GALNT7: variants seen among roughly 807,000 people sequenced by gnomAD.
GALNT7 encodes polypeptide N-acetylgalactosaminyltransferase 7, also known as N-acetylgalactosaminyltransferase 7.
In GALNT7, 60 loss-of-function variants were observed where a neutral mutation model predicts 82.1. The observed-to-expected ratio is 0.73, with a 90% CI of 0.59 to 0.91. The LOEUF (loss-of-function observed/expected upper bound fraction) is 0.91, where lower values mean the gene tolerates loss of function less well. Among genes scored for constraint, GALNT7 ranks in the 40% least tolerant of loss-of-function variants. GALNT7 has a pLI of 0.00. For missense variants in GALNT7, 660 were observed against 804.2 expected, an observed-to-expected ratio of 0.82 and a Z score of 2.17; for synonymous variants, 243 against 275.1, an observed-to-expected ratio of 0.88 and a Z score of 1.15.
intron 8 of GALNT7, among the ~76,000 whole-genome samples, chr4:173,311,662 T>C (rs1038069114): frequency 6.6e-6 from 1 of 152,068 alleles, no homozygotes; most frequent in East Asian, 1.9e-4. Flanking sequence ...GGTGGACTGG[T>C]GGTAAATCAT....
chr4:173,229,463 C>G (rs1376387538), intron 1 of GALNT7, among the ~76,000 whole-genome samples: 2 of 152,074 alleles, frequency 1.3e-5, no homozygotes, highest in Non-Finnish European at 2.9e-5. Context: ...TAGAAGTTCC[C>G]TAGAAATTCT....
intron 9 of GALNT7, 50 bp downstream of exon 9, chr4:173,314,226 G>A (rs1449000034): frequency 1.7e-6 from 2 of 1,211,458 alleles, no homozygotes; most frequent in Non-Finnish European, 2.5e-6. Context: ...GAGTTTGGGA[G>A]AAGGCAGAGA....
At chr4:173,309,640 G>A (rs916287438) in intron 8 of GALNT7, among the ~76,000 whole-genome samples, 3 of 152,176 alleles carry the variant, frequency 2.0e-5, no homozygotes, top group Non-Finnish European at 2.9e-5. Flanking sequence ...CTCATTTTCT[G>A]GAACGCTTAA....
intron 1 of GALNT7, among the ~76,000 whole-genome samples, chr4:173,177,128 G>A (rs1291918451): frequency 6.6e-6 from 1 of 152,126 alleles, no homozygotes; most frequent in African/African-American, 2.4e-5. Context: ...GTCACCTAGA[G>A]GGTGTGAGAA....
intron 1 of GALNT7, among the ~76,000 whole-genome samples, chr4:173,173,312 C>T (rs1561140446): frequency 6.6e-6 from 1 of 151,844 alleles, no homozygotes; most frequent in African/African-American, 2.4e-5. Flanking sequence ...TCTGCTTGGA[C>T]TTGCAAAGCA....
At chr4:173,294,363 T>A (rs1382393924) in intron 3 of GALNT7, among the ~76,000 whole-genome samples, 1 of 152,058 alleles carries the variant, frequency 6.6e-6, no homozygotes, top group Admixed American at 6.6e-5. Flanking sequence ...TTTATAATAC[T>A]TATTAAAACT....
At chr4:173,254,713 C>G (rs184735432) in intron 2 of GALNT7, among the ~76,000 whole-genome samples, 2 of 152,268 alleles carry the variant, frequency 1.3e-5, no homozygotes, top group Non-Finnish European at 2.9e-5. Context: ...ACACACAATC[C>G]CTTTTTTACA....
intron 1 of GALNT7, among the ~76,000 whole-genome samples, chr4:173,206,497 A>G (rs894910885): frequency 2.0e-5 from 3 of 152,226 alleles, no homozygotes; most frequent in African/African-American, 7.2e-5. Context: ...TTACAGATGA[A>G]GAAACTAAAG....
chr4:173,184,491 G>C (rs537430921), intron 1 of GALNT7, among the ~76,000 whole-genome samples: 1 of 151,722 alleles, frequency 6.6e-6, no homozygotes, highest in Non-Finnish European at 1.5e-5. Flanking sequence ...CCAGGCACTC[G>C]GCAGGCTGAG....
rs1561172069 is a variant in GALNT7, at chr4:173,248,123, G to A, written c.270G>A (p.Lys90=). 6.2e-7 allele frequency: 1 copy of A among 1,613,836 alleles called. No individual in the cohort carries two copies. Among genetic ancestry groups the A allele is most frequent in the South Asian group, 1.1e-5 (1 of 91,080 alleles). The change falls in exon 2 of 12, where the codon AAG becomes AAA. Residue 90 remains lysine (K), a synonymous_variant. Coordinates refer to ENST00000265000, the MANE Select transcript of GALNT7 (RefSeq NM_017423.3). The part of the protein sequence containing the change: ...VDLESIRRIN[K]AKNEQEHHAG... Reference sequence around the variant, plus strand: ...TAGAGTCTATTAGAAGAATAAACAAGGCCAAAAATGAACAAGAGCACCATG... The same window carrying A: ...TAGAGTCTATTAGAAGAATAAACAAAGCCAAAAATGAACAAGAGCACCATG...
rs772196230 is a variant in GALNT7 at position 173,317,695 on chromosome 4, T to C, written c.1670T>C (p.Val557Ala). The C allele has an allele frequency of 3.7e-6, 6 of 1,613,000 alleles. No homozygotes were observed. Among genetic ancestry groups the C allele is most frequent in the South Asian group, 1.1e-5 (1 of 91,068 alleles). Residue 557 changes from valine (V) to alanine (A), a missense_variant, in exon 10 of 12, where the codon GTT becomes GCT. Coordinates refer to ENST00000265000, the MANE Select transcript of GALNT7 (RefSeq NM_017423.3). ...DSMGKTNGGF[V>A]ELGPCHRMGG... ...ATGGGAAAAACAAATGGAGGCTTTG[T>C]TGAACTAGGACCCTGCCACAGGATG...
chr4:173,287,416 A>G (rs1020045865), intron 2 of GALNT7, among the ~76,000 whole-genome samples: 1 of 152,248 alleles, frequency 6.6e-6, no homozygotes, highest in Non-Finnish European at 1.5e-5. Flanking sequence ...GCTTGCCCCG[A>G]GTGAACTTTA....
At chr4:173,190,881 G>C (rs1385360503) in intron 1 of GALNT7, among the ~76,000 whole-genome samples, 1 of 152,166 alleles carries the variant, frequency 6.6e-6, no homozygotes, top group Non-Finnish European at 1.5e-5. Flanking sequence ...CAGAAATGTA[G>C]AGGAGGCGTG....
chr4:173,257,138 C>T (rs1463122690), intron 2 of GALNT7, among the ~76,000 whole-genome samples: 1 of 152,152 alleles, frequency 6.6e-6, no homozygotes, highest in Non-Finnish European at 1.5e-5. Context: ...GTAGTTGAAC[C>T]AGGCTAGAGG....
intron 1 of GALNT7, among the ~76,000 whole-genome samples, chr4:173,178,048 T>TGCGCGCGCGCGCGC (rs566263598): frequency 8.8e-6 from 1 of 113,698 alleles, no homozygotes; most frequent in African/African-American, 3.5e-5. Flanking sequence ...TGTGTGTGTG[T>TGCGCGCGCGCGCGC]GTGTGCGCGC....
In GALNT7 at chr4:173,168,975, C is replaced by G. The variant is rs762084963; in HGVS notation, c.126+14C>G. The stretch of plus-strand genomic sequence containing the variant: ...AGCAGGATGAGGGTGAGTGACCCGC[C>G]CGGCCCCCTCCGGCGGCAGCGACCG... On this transcript the variant is annotated intron_variant, in intron 1 of 11. Transcript: ENST00000265000. 6.2e-7 allele frequency: 1 copy of G among 1,609,680 alleles called. No individual in the cohort carries two copies. The highest frequency in any genetic ancestry group is 1.7e-5 in the Admixed American group (1 of 59,790).
intron 1 of GALNT7, among the ~76,000 whole-genome samples, chr4:173,245,694 A>G (rs1432333293): frequency 6.6e-6 from 1 of 152,188 alleles, no homozygotes; most frequent in Non-Finnish European, 1.5e-5. Flanking sequence ...ACACTAACAT[A>G]AGTAAGTATA....
At chr4:173,285,337 G>A (rs560899404) in intron 2 of GALNT7, among the ~76,000 whole-genome samples, 17 of 152,318 alleles carry the variant, frequency 1.1e-4, no homozygotes, top group African/African-American at 4.1e-4. Flanking sequence ...GCTAGATGCA[G>A]ATAAAGTCTG....
intron 8 of GALNT7, among the ~76,000 whole-genome samples, chr4:173,304,838 G>A (rs1737088243): frequency 2.0e-5 from 3 of 151,776 alleles, no homozygotes; most frequent in African/African-American, 7.3e-5. Flanking sequence ...GTTGTTGCAA[G>A]TGACAGGATT....
Sources: allele counts gnomAD v4.1 joint callset (sites outside exome capture counted in the v4.1 genomes callset), GRCh38; gene constraint gnomAD v4.1.1; transcripts MANE v1.5; gene names NCBI Gene and HGNC (gene_info 2026-07-23, HGNC 2026-07-21).